ZNF219: variants seen among roughly 807,000 people sequenced by gnomAD.
The protein encoded by ZNF219 is zinc finger protein 219.
In ZNF219, 17 loss-of-function variants were observed where a neutral mutation model predicts 54.4. The ratio of observed to expected loss-of-function variants is 0.31; its 90% confidence interval spans 0.21 to 0.47. ZNF219 has a LOEUF of 0.47. Among genes scored for constraint, ZNF219 ranks in the 20% least tolerant of loss-of-function variants. The pLI is 1.00. For synonymous variants in ZNF219, 518 were observed against 476.4 expected (o/e 1.09, Z -1.14); for missense variants, 1,014 against 1,062.3 (o/e 0.95, Z 0.63).
At chr14:21,102,561 G>A, upstream of ZNF219, 4 of 1,551,570 alleles carry the variant, frequency 2.6e-6, no homozygotes, top group Middle Eastern at 1.7e-4. Flanking sequence ...GAGGCAAGAG[G>A]AGGTGGGAAG....
upstream of ZNF219, chr14:21,101,539 G>A: frequency 1.6e-6 from 2 of 1,247,984 alleles, no homozygotes; most frequent in Non-Finnish European, 2.3e-6. Flanking sequence ...TGTTAAGTGA[G>A]CACCTACCAT....
At position 21,090,915 on chromosome 14, in the gene ZNF219, G is replaced by A; in HGVS notation, c.1790C>T (p.Pro597Leu). Residue 597 changes from proline (P) to leucine (L), a missense_variant, in exon 5 of 5, where the codon CCT becomes CTT. By Grantham distance (98) the Pro-to-Leu change is moderately conservative. Coordinates refer to ENST00000360947, the MANE Select transcript of ZNF219 (RefSeq NM_016423.3). This position sits in a 1 kb window ranked among gnomAD's most constrained non-coding sequence, Gnocchi z 4.4. Reference sequence around the variant, plus strand: ...GGACCCCGGCCCAGCACCGCTAGAAGGAGGCCGGGGACTTGAGGCGCCCTC... The same window carrying A: ...GGACCCCGGCCCAGCACCGCTAGAAAGAGGCCGGGGACTTGAGGCGCCCTC... ...WVEGASSPRPPSSGAGPGSRR... is the reference protein window; with the variant it reads ...WVEGASSPRPLSSGAGPGSRR... The A allele has an allele frequency of 6.5e-7, 1 of 1,548,706 alleles. No homozygotes were observed. Among genetic ancestry groups the A allele is most frequent in the African/African-American group, 1.4e-5 (1 of 73,600 alleles).
At position 21,090,932 on chromosome 14, in the gene ZNF219, G is replaced by A; in HGVS notation, c.1773C>T (p.Ala591=). The change falls in exon 5 of 5, where the codon GCC becomes GCT. Residue 591 remains alanine, a synonymous_variant. Coordinates refer to ENST00000360947, the MANE Select transcript of ZNF219 (RefSeq NM_016423.3). The surrounding 1 kb of genome is among the most constrained non-coding windows in gnomAD (Gnocchi z 4.4). ...CGCTAGAAGGAGGCCGGGGACTTGAGGCGCCCTCCACCCAGGTCGCAGGCT... is the reference window on the plus strand; with the variant it reads ...CGCTAGAAGGAGGCCGGGGACTTGAAGCGCCCTCCACCCAGGTCGCAGGCT... The part of the protein sequence containing the change: ...SPQPATWVEG[A]SSPRPPSSGA... 2 of 1,546,992 alleles carry A rather than the reference G, an allele frequency of 1.3e-6. No individual in the cohort carries two copies. The highest frequency in any genetic ancestry group is 1.2e-5 in the South Asian group (1 of 84,514).
chr14:21,101,374 G>A (rs1889619558), upstream of ZNF219: 2 of 1,551,684 alleles, frequency 1.3e-6, no homozygotes, highest in Admixed American at 3.9e-5. Flanking sequence ...GCAAGAGCAG[G>A]AGAGACACAG....
At chr14:21,102,013 G>C (rs1474974683), upstream of ZNF219, 1 of 1,550,730 alleles carries the variant, frequency 6.4e-7, no homozygotes, top group Non-Finnish European at 8.7e-7. Flanking sequence ...AGGTCCCAGG[G>C]CCCCTTCCTA....
chr14:21,094,176 C>T (rs992347709), intron 1 of ZNF219, among the ~76,000 whole-genome samples: 4 of 152,196 alleles, frequency 2.6e-5, no homozygotes, highest in African/African-American at 9.7e-5. Context: ...CTCCCTCCGC[C>T]TGGATTCCTG....
intron 1 of ZNF219, among the ~76,000 whole-genome samples, chr14:21,096,729 A>G (rs1647563962): frequency 6.6e-6 from 1 of 152,246 alleles, no homozygotes; most frequent in Non-Finnish European, 1.5e-5. Flanking sequence ...ATGCTGGGGC[A>G]GCTGGTAGGG....
rs1467131488 is a variant in ZNF219 at position 21,090,272 on chromosome 14, A to C, written c.*264T>G. 1 of 685,776 alleles carries C rather than the reference A, an allele frequency of 1.5e-6. No homozygotes were observed. The highest frequency in any genetic ancestry group is 2.7e-6 in the Non-Finnish European group (1 of 374,934). 42.5% of individuals were successfully genotyped at this position (685,776 alleles called of 1,614,324 possible). A position where few individuals can be genotyped will look rare whatever the true frequency, so the allele number is the denominator to read the frequency against. On this transcript the variant is annotated 3_prime_UTR_variant, in exon 5 of 5. Coordinates refer to ENST00000360947, the MANE Select transcript of ZNF219 (RefSeq NM_016423.3). The surrounding 1 kb of genome is among the most constrained non-coding windows in gnomAD (Gnocchi z 4.4). ...AAGACTGGCAGAGTGGCTCCTCAAC[A>C]GGGACACAAACCTTCTCTGCCAGCC... is the stretch of plus-strand genomic sequence containing the variant.
upstream of ZNF219, chr14:21,098,841 T>C (rs1170483162): frequency 5.4e-6 from 7 of 1,288,048 alleles, no homozygotes; most frequent in East Asian, 2.2e-4. Context: ...CCGCTCTTTC[T>C]GCCCCAACAT....
Position 21,092,669 on chromosome 14 carries a change from T to A in ZNF219, c.628A>T (p.Thr210Ser), listed in dbSNP as rs1459697534. The change falls in exon 3 of 5, where the codon ACG becomes TCG. Residue 210 changes from threonine to serine, a missense_variant. Around this residue, in one of 5 missense-constraint regions of ZNF219, gnomAD observed 395 missense variants for 415.1 expected, o/e 0.95. Transcript: ENST00000360947. The part of the protein sequence containing the change: ...QEEELLHHSL[T>S]AHGAPERPLA... The stretch of plus-strand genomic sequence containing the variant: ...GGACGCTCGGGAGCCCCGTGGGCCG[T>A]CAGGCTGTGGTGCAGCAGCTCCTCC... 6 of 1,572,814 alleles carry A rather than the reference T, an allele frequency of 3.8e-6. No homozygotes were observed. Among genetic ancestry groups the A allele is most frequent in the Non-Finnish European group, 5.2e-6 (6 of 1,161,480 alleles).
At chr14:21,103,268 C>T (rs1010767588), upstream of ZNF219, 10 of 1,549,756 alleles carry the variant, frequency 6.5e-6, no homozygotes, top group African/African-American at 1.4e-5. Flanking sequence ...AGAGAATGCT[C>T]TCCAGACATT....
Position 21,091,980 on chromosome 14 carries a change from G to A in ZNF219, c.1317C>T (p.Thr439=), listed in dbSNP as rs757820167. Residue 439 remains threonine (T), a synonymous_variant, in exon 3 of 5, where the codon ACC becomes ACT. Coordinates refer to ENST00000360947, the MANE Select transcript of ZNF219 (RefSeq NM_016423.3). ...EEEVVEAEEE[T]WARGRSLGSL... ...AGCCCAGCGACCTGCCCCGGGCCCA[G>A]GTTTCCTCCTCGGCCTCCACCACCT... 2.5e-6 allele frequency: 4 copies of A among 1,570,882 alleles called. No individual in the cohort carries two copies. In the African/African-American group the frequency reaches 5.4e-5, roughly 21 times the overall value.
chr14:21,092,052 C>A lies in ZNF219; in HGVS notation c.1245G>T (p.Pro415=), dbSNP rs1181977169. The A allele has an allele frequency of 1.6e-5, 24 of 1,544,242 alleles. No individual in the cohort carries two copies. Among genetic ancestry groups the A allele is most frequent in the Non-Finnish European group, 1.8e-5 (21 of 1,144,866 alleles). Residue 415 remains proline (P), a synonymous_variant, in exon 3 of 5, where the codon CCG becomes CCT. Coordinates refer to ENST00000360947, the MANE Select transcript of ZNF219 (RefSeq NM_016423.3). ...GGFRPLSSAL[P]ARARRHRAEE... ...CCGCACGGTGCCGGCGAGCCCGGGC[C>A]GGGAGAGCAGAGGACAGCGGGCGGA...
chr14:21,093,234 G>T lies in ZNF219; in HGVS notation c.63C>A (p.Asp21Glu). The change falls in exon 3 of 5, where the codon GAC (aspartate) becomes GAA (glutamate). Residue 21 changes from aspartate to glutamate, a missense_variant. Transcript: ENST00000360947. Reference sequence around the variant, plus strand: ...AGTATCGCTGCAGATCCAGCTCGCCGTCGAAAGCCGGCGGCGACGGCGCTA... The same window carrying T: ...AGTATCGCTGCAGATCCAGCTCGCCTTCGAAAGCCGGCGGCGACGGCGCTA... ...GHLAPSPPAFDGELDLQRYSN... is the reference protein window; with the variant it reads ...GHLAPSPPAFEGELDLQRYSN... 9.4e-6 allele frequency: 15 copies of T among 1,601,782 alleles called. No individual in the cohort carries two copies. The highest frequency in any genetic ancestry group is 1.3e-5 in the Non-Finnish European group (15 of 1,178,930).
chr14:21,096,828 G>A (rs1483193405), intron 1 of ZNF219, among the ~76,000 whole-genome samples: 2 of 152,208 alleles, frequency 1.3e-5, no homozygotes, highest in East Asian at 1.9e-4. Flanking sequence ...CAGGTACATA[G>A]AAGTATTTGC....
upstream of ZNF219, chr14:21,102,599 G>C (rs1889715087): frequency 6.4e-7 from 1 of 1,551,008 alleles, no homozygotes; most frequent in African/African-American, 1.4e-5. Context: ...AACAGGTGCG[G>C]GGTCCCTGCA....
chr14:21,090,626 T>C lies in ZNF219; in HGVS notation c.2079A>G (p.Gly693=). ...ASPPYARVPS[G]ETPPSPSQEG... ...CCTGCGAAGGACTGGGAGGGGTCTC[T>C]CCTGATGGTACTCGGGCATAGGGCG... is the stretch of plus-strand genomic sequence containing the variant. The change falls in exon 5 of 5, where the codon GGA becomes GGG. Residue 693 remains glycine, a synonymous_variant. Transcript: ENST00000360947. This position sits in a 1 kb window ranked among gnomAD's most constrained non-coding sequence, Gnocchi z 4.4. 6.2e-7 allele frequency: 1 copy of C among 1,612,492 alleles called. No homozygotes were observed. The highest frequency in any genetic ancestry group is 1.1e-5 in the South Asian group (1 of 91,054).
chr14:21,094,404 T>A, intron 1 of ZNF219: 1 of 455,792 alleles, frequency 2.2e-6, no homozygotes, highest in South Asian at 1.5e-5. Context: ...ATAGGATTCA[T>A]CCCCTTGTTT....
chr14:21,093,532 A>G (rs1252185696), intron 2 of ZNF219, 54 bp downstream of exon 2: 1 of 1,583,780 alleles, frequency 6.3e-7, no homozygotes, highest in Non-Finnish European at 8.7e-7. Context: ...GGTAGGCAGG[A>G]GAGGGAGTAT....
Sources: allele counts gnomAD v4.1 joint callset (sites outside exome capture counted in the v4.1 genomes callset), GRCh38; gene constraint gnomAD v4.1.1; regional missense constraint gnomAD v4.1.1; non-coding constraint Gnocchi (gnomAD v3.1); transcripts MANE v1.5; gene names NCBI Gene and HGNC (gene_info 2026-07-23, HGNC 2026-07-21).